The following SLC6A3 variants were observed in gnomAD, a reference collection of about 807,000 sequenced individuals.
The protein encoded by SLC6A3 is solute carrier family 6 member 3.
A neutral mutation model predicts 70.4 loss-of-function variants in SLC6A3; 19 were observed. That is an observed-to-expected ratio of 0.27 (90% CI 0.19 to 0.40). The LOEUF (loss-of-function observed/expected upper bound fraction) is 0.40, where lower values mean the gene tolerates loss of function less well. SLC6A3 is among the 10% of genes least tolerant of loss of function. The pLI is 1.00. For synonymous variants in SLC6A3, 368 were observed against 356.6 expected, an observed-to-expected ratio of 1.03 and a Z score of -0.36; for missense variants, 613 against 838.5, an observed-to-expected ratio of 0.73 and a Z score of 3.32.
chr5:1,416,189 C>T lies in SLC6A3; in HGVS notation c.940G>A (p.Ala314Thr), dbSNP rs769500824. ...RLCEASVWIDAATQVCFSLGV... is the reference protein window; with the variant it reads ...RLCEASVWIDTATQVCFSLGV... ...AGGGAGAAGCACACCTGGGTGGCCG[C>T]GTCAATCCAAACCTGCAGAGCCAGA... Residue 314 changes from alanine (A) to threonine (T), a missense_variant, in exon 7 of 15, where the codon GCG becomes ACG. Transcript: ENST00000270349. 4 of 1,613,324 alleles carry T rather than the reference C, an allele frequency of 2.5e-6. No individual in the cohort carries two copies. Among genetic ancestry groups the T allele is most frequent in the Non-Finnish European group, 3.4e-6 (4 of 1,179,910 alleles).
rs184403978 is a variant in SLC6A3 at position 1,396,416 on chromosome 5, C to A, written c.1840-1658G>T. On this transcript the variant is annotated intron_variant, in intron 14 of 14. Transcript: ENST00000270349. This position sits in a 1 kb window ranked among gnomAD's most constrained non-coding sequence, Gnocchi z 7.0. Reference sequence around the variant, plus strand: ...TCCCTGAGGGAAGCCAACAAGGAGGCCCCCCTGCCACCCTGCTCGCTGCCT... The same window carrying A: ...TCCCTGAGGGAAGCCAACAAGGAGGACCCCCTGCCACCCTGCTCGCTGCCT... Among the ~76,000 whole-genome samples the A allele has an allele frequency of 6.9e-4, 105 of 152,320 alleles. 2 individuals are homozygous for A. The highest frequency in any genetic ancestry group is 2.5e-3 in the African/African-American group (102 of 41,564).
chr5:1,436,593 TG>T lies in SLC6A3; in HGVS notation c.419-3896del, dbSNP rs1241377958. Among the ~76,000 whole-genome samples, 2 of 152,336 alleles carry T rather than the reference TG, an allele frequency of 1.3e-5. No individual in the cohort carries two copies. Among genetic ancestry groups the T allele is most frequent in the East Asian group, 3.9e-4 (2 of 5,188 alleles). ...AGTATCTTTTTCTTTATATTAACCT[TG>T]TGTGTAGTTTGTTTTGTGTTTGAGA... On this transcript the variant is annotated intron_variant, in intron 3 of 14. Coordinates refer to ENST00000270349, the MANE Select transcript of SLC6A3 (RefSeq NM_001044.5). This position sits in a 1 kb window ranked among gnomAD's most constrained non-coding sequence, Gnocchi z 5.2.
At chr5:1,433,508 C>T (rs1414854317) in intron 3 of SLC6A3, among the ~76,000 whole-genome samples, 1 of 152,080 alleles carries the variant, frequency 6.6e-6, no homozygotes, top group Non-Finnish European at 1.5e-5. Context: ...CATTCATCCA[C>T]AACTATCCAC....
rs1163839808 is a variant in SLC6A3, at chr5:1,408,510, G to T, written c.1498+516C>A. On this transcript the variant is annotated intron_variant, in intron 11 of 14. Transcript: ENST00000270349. This position sits in a 1 kb window ranked among gnomAD's most constrained non-coding sequence, Gnocchi z 6.4. ...TGGGGAAAGGGCAGCCCTGGCTCCA[G>T]GCTGGGTTTTCTGTTGCTGTTTAAA... 1.3e-5 allele frequency among the ~76,000 whole-genome samples: 2 copies of T among 152,150 alleles called. No homozygotes were observed. The highest frequency in any genetic ancestry group is 4.8e-5 in the African/African-American group (2 of 41,434).
In SLC6A3 at chr5:1,403,040, G is replaced by C. The variant is rs1319185880; in HGVS notation, c.1649C>G (p.Ala550Gly). The C allele has an allele frequency of 1.2e-6, 2 of 1,614,024 alleles. No homozygotes were observed. Among genetic ancestry groups the C allele is most frequent in the Non-Finnish European group, 1.7e-6 (2 of 1,180,036 alleles). ...IVTFRPPHYG[A>G]YIFPDWANAL... is the part of the protein sequence containing the mutation. ...GTTGGCCCAGTCGGGGAAGATGTAGGCTCCGTAGTGGGGGGGTCTGAAGGT... is the reference window on the plus strand; with the variant it reads ...GTTGGCCCAGTCGGGGAAGATGTAGCCTCCGTAGTGGGGGGGTCTGAAGGT... The change falls in exon 13 of 15, where the codon GCC (alanine) becomes GGC (glycine). Residue 550 changes from alanine (A) to glycine (G), a missense_variant. This residue lies in a region of SLC6A3 where 348 missense variants were observed against 481.2 expected (regional missense o/e 0.72). Coordinates refer to ENST00000270349, the MANE Select transcript of SLC6A3 (RefSeq NM_001044.5).
In SLC6A3 at chr5:1,443,211, G is replaced by T. The variant is rs775870785; in HGVS notation, c.-14C>A. The stretch of plus-strand genomic sequence containing the variant: ...GCTCTTACTCATGGGCACACTGGGA[G>T]TTGAGGAATTCTGTGCTTCTTCCCT... On this transcript the variant is annotated 5_prime_UTR_variant, in exon 2 of 15. Transcript: ENST00000270349. 6.2e-7 allele frequency: 1 copy of T among 1,613,958 alleles called. No individual in the cohort carries two copies. Among genetic ancestry groups the T allele is most frequent in the Non-Finnish European group, 8.5e-7 (1 of 1,179,842 alleles).
chr5:1,424,392 C>T (rs1756531906), intron 4 of SLC6A3, among the ~76,000 whole-genome samples: 1 of 152,218 alleles, frequency 6.6e-6, no homozygotes, highest in African/African-American at 2.4e-5. Context: ...TTCTGCTCCC[C>T]CAGCAAGGTC....
rs1356444881 is a variant in SLC6A3 at position 1,414,960 on chromosome 5, T to C, written c.1032-145A>G. 2.4e-5 allele frequency: 24 copies of C among 1,019,740 alleles called. No individual in the cohort carries two copies. In the East Asian group the frequency reaches 6.1e-4, roughly 26 times the overall value. 63.2% of individuals were successfully genotyped at this position (1,019,740 alleles called of 1,614,324 possible). ...ACTTTTCCCAGTGAGCACGGCCAGCTCCTTAGCAGCCTGGCAGAGCTGTCC... is the reference window on the plus strand; with the variant it reads ...ACTTTTCCCAGTGAGCACGGCCAGCCCCTTAGCAGCCTGGCAGAGCTGTCC... On this transcript the variant is annotated intron_variant, in intron 7 of 14. Coordinates refer to ENST00000270349, the MANE Select transcript of SLC6A3 (RefSeq NM_001044.5).
rs1193019387 is a variant in SLC6A3 at position 1,421,993 on chromosome 5, G to A, written c.675C>T (p.His225=). The change falls in exon 5 of 15, where the codon CAC becomes CAT. Residue 225 remains histidine, a synonymous_variant. Coordinates refer to ENST00000270349, the MANE Select transcript of SLC6A3 (RefSeq NM_001044.5). This position sits in a 1 kb window ranked among gnomAD's most constrained non-coding sequence, Gnocchi z 7.2. ...CCAGGTCGTCGATGCCATGGCTCTG[G>A]TGGAGGTGCAGCACGCCACGTCTGC... ...EYFERGVLHL[H]QSHGIDDLGP... The A allele has an allele frequency of 1.7e-5, 27 of 1,612,614 alleles. No individual in the cohort carries two copies. The highest frequency in any genetic ancestry group is 2.3e-5 in the Non-Finnish European group (27 of 1,180,030).
Position 1,405,684 on chromosome 5 carries a change from C to G in SLC6A3, c.1599+504G>C, listed in dbSNP as rs1327647021. ...CGTCCGACGGCCTTGCCCGGTGGGC[C>G]CTGACTCGGTGGCGGATGACAGAAG... is the stretch of plus-strand genomic sequence containing the variant. On this transcript the variant is annotated intron_variant, in intron 12 of 14. Coordinates refer to ENST00000270349, the MANE Select transcript of SLC6A3 (RefSeq NM_001044.5). The surrounding 1 kb of genome is among the most constrained non-coding windows in gnomAD (Gnocchi z 5.3). 2.0e-5 allele frequency among the ~76,000 whole-genome samples: 3 copies of G among 152,172 alleles called. No homozygotes were observed. Among genetic ancestry groups the G allele is most frequent in the African/African-American group, 7.2e-5 (3 of 41,422 alleles).
chr5:1,398,673 A>G (rs1755777068), intron 14 of SLC6A3, among the ~76,000 whole-genome samples: 1 of 152,236 alleles, frequency 6.6e-6, no homozygotes. Context: ...ATTGCAAAAG[A>G]TATTTCAGGC....
chr5:1,442,800 C>G lies in SLC6A3; in HGVS notation c.286+112G>C, dbSNP rs546434311. ...GGCCGTGAGCTCTCACAGGGAGCTCCGTCTTCACGCATGGGAACAGCTTCA... is the reference window on the plus strand; with the variant it reads ...GGCCGTGAGCTCTCACAGGGAGCTCGGTCTTCACGCATGGGAACAGCTTCA... On this transcript the variant is annotated intron_variant, in intron 2 of 14. Coordinates refer to ENST00000270349, the MANE Select transcript of SLC6A3 (RefSeq NM_001044.5). The surrounding 1 kb of genome is among the most constrained non-coding windows in gnomAD (Gnocchi z 5.0). 53 of 1,109,518 alleles carry G rather than the reference C, an allele frequency of 4.8e-5. No homozygotes were observed. The South Asian group carries it at 6.6e-4, about 14-fold the overall frequency. 68.7% of individuals were successfully genotyped at this position (1,109,518 alleles called of 1,614,324 possible). A position where few individuals can be genotyped will look rare whatever the true frequency, so the allele number is the denominator to read the frequency against.
In SLC6A3 at chr5:1,394,361, G is replaced by A. The variant is rs41280377; in HGVS notation, c.*374C>T. On this transcript the variant is annotated 3_prime_UTR_variant, in exon 15 of 15. Transcript: ENST00000270349. The surrounding 1 kb of genome is among the most constrained non-coding windows in gnomAD (Gnocchi z 4.7). ...CTCAGCAGGTGCGTCTACAAGGATCGTGATCCCCGCCTGAGAACACAGTGC... is the reference window on the plus strand; with the variant it reads ...CTCAGCAGGTGCGTCTACAAGGATCATGATCCCCGCCTGAGAACACAGTGC... 0.012 allele frequency: 5,260 copies of A among 420,938 alleles called. 53 individuals are homozygous for A. Among genetic ancestry groups the A allele is most frequent in the Non-Finnish European group, 0.017 (3,884 of 227,932 alleles). 26.1% of individuals were successfully genotyped at this position (420,938 alleles called of 1,614,324 possible).
At position 1,397,296 on chromosome 5, in the gene SLC6A3, T is replaced by C. The variant is rs982413751; in HGVS notation, c.1840-2538A>G. Among the ~76,000 whole-genome samples the C allele has an allele frequency of 6.6e-6, 1 of 151,528 alleles. No individual in the cohort carries two copies. The highest frequency in any genetic ancestry group is 2.4e-5 in the African/African-American group (1 of 41,166). Reference sequence around the variant, plus strand: ...AAATAAAAAGAAACCAAATTAACGGTGGTGGGTGCCTGCAGTCCCAGCTAC... The same window carrying C: ...AAATAAAAAGAAACCAAATTAACGGCGGTGGGTGCCTGCAGTCCCAGCTAC... On this transcript the variant is annotated intron_variant, in intron 14 of 14. Transcript: ENST00000270349. The surrounding 1 kb of genome is among the most constrained non-coding windows in gnomAD (Gnocchi z 4.7).
In SLC6A3 at chr5:1,406,121, C is replaced by T. The variant is rs1392462299; in HGVS notation, c.1599+67G>A. ...CAACCCACATGCGGGCGCTGGACCT[C>T]GGGGCAGGTGCCAGAGTGGGGGCAG... On this transcript the variant is annotated intron_variant, in intron 12 of 14. Transcript: ENST00000270349. This position sits in a 1 kb window ranked among gnomAD's most constrained non-coding sequence, Gnocchi z 8.8. 3.2e-5 allele frequency: 38 copies of T among 1,197,106 alleles called. No homozygotes were observed. In the Admixed American group the frequency reaches 3.5e-4, roughly 11 times the overall value. The allele number at this position is 1,197,106 out of a possible 1,614,324, so 74.2% of individuals were successfully genotyped here. A position where few individuals can be genotyped will look rare whatever the true frequency, so the allele number is the denominator to read the frequency against.
At position 1,408,983 on chromosome 5, in the gene SLC6A3, C is replaced by T. The variant is rs1756050876; in HGVS notation, c.1498+43G>A. The T allele has an allele frequency of 2.1e-6, 3 of 1,400,462 alleles. No individual in the cohort carries two copies. Among genetic ancestry groups the T allele is most frequent in the Middle Eastern group, 1.8e-4 (1 of 5,520 alleles). 86.8% of individuals were successfully genotyped at this position (1,400,462 alleles called of 1,614,324 possible). On this transcript the variant is annotated intron_variant, in intron 11 of 14. Coordinates refer to ENST00000270349, the MANE Select transcript of SLC6A3 (RefSeq NM_001044.5). This position sits in a 1 kb window ranked among gnomAD's most constrained non-coding sequence, Gnocchi z 6.4. ...TTCAGAAGGGGAGTGGCACAGCCAC[C>T]AAACAAGAGGGTGCCGGCTTGGCTG...
At chr5:1,422,155 C>T (rs1018764702) in intron 4 of SLC6A3, 141 bp from the exon 5 acceptor site, 15 of 947,606 alleles carry the variant, frequency 1.6e-5, no homozygotes, top group Middle Eastern at 3.3e-4. Context: ...AGATGCCTTC[C>T]AGGGAGGTCT....
chr5:1,443,680 T>C (rs1015672534), intron 1 of SLC6A3, among the ~76,000 whole-genome samples: 8 of 152,060 alleles, frequency 5.3e-5, no homozygotes, highest in Non-Finnish European at 8.8e-5. Context: ...TTTTCTTTTT[T>C]TTTTCTTTTT....
intron 1 of SLC6A3, among the ~76,000 whole-genome samples, chr5:1,444,734 C>T (rs1733758071): frequency 6.6e-6 from 1 of 152,244 alleles, no homozygotes; most frequent in South Asian, 2.1e-4. Context: ...GGCCACCTGA[C>T]CCCGCTCCTG....
Sources: gnomAD v4.1 joint callset for allele counts (sites outside exome capture counted in the v4.1 genomes callset) on GRCh38, gnomAD v4.1.1 for gene constraint, gnomAD v4.1.1 regional missense constraint, Gnocchi (gnomAD v3.1) non-coding constraint, MANE v1.5 for transcripts, NCBI Gene and HGNC (gene_info 2026-07-23, HGNC 2026-07-21) for gene names.